The following FAM163A variants were observed in gnomAD, a reference collection of about 807,000 sequenced individuals.
FAM163A encodes protein FAM163A.
FAM163A carries 7 observed loss-of-function variants against 12.0 expected under a neutral mutation model. The ratio of observed to expected loss-of-function variants is 0.58; its 90% confidence interval spans 0.33 to 1.10. The LOEUF is 1.10. FAM163A is among the 50% of genes least tolerant of loss of function. FAM163A has a pLI of 0.03. For missense variants in FAM163A, 202 were observed against 218.6 expected, an observed-to-expected ratio of 0.92 and a Z score of 0.48; for synonymous variants, 101 against 91.0, an observed-to-expected ratio of 1.11 and a Z score of -0.62.
intron 1 of FAM163A, among the ~76,000 whole-genome samples, chr1:179,754,122 AC>A (rs756804727): frequency 6.6e-6 from 1 of 152,208 alleles, no homozygotes; most frequent in Admixed American, 6.5e-5. Context: ...TCTCTGAAGC[AC>A]CAGTCTCTTT....
intron 2 of FAM163A, among the ~76,000 whole-genome samples, chr1:179,810,247 C>T (rs549896607): frequency 3.7e-4 from 57 of 152,272 alleles, no homozygotes; most frequent in Admixed American, 1.5e-3. Context: ...CCATGAAGGG[C>T]ATTGCAATAG....
At chr1:179,791,341 G>A (rs1002119950) in intron 1 of FAM163A, among the ~76,000 whole-genome samples, 8 of 152,238 alleles carry the variant, frequency 5.3e-5, no homozygotes, top group East Asian at 3.9e-4. Context: ...ATATCCTTGC[G>A]CTGTCCAAAC....
intron 1 of FAM163A, among the ~76,000 whole-genome samples, chr1:179,758,976 AT>A (rs1242054318): frequency 6.6e-6 from 1 of 152,164 alleles, no homozygotes; most frequent in African/African-American, 2.4e-5. Context: ...CCATGCATCG[AT>A]TTTTCCATTC....
At chr1:179,788,131 G>A (rs1235287467) in intron 1 of FAM163A, among the ~76,000 whole-genome samples, 1 of 152,178 alleles carries the variant, frequency 6.6e-6, no homozygotes, top group Non-Finnish European at 1.5e-5. Context: ...TTCTCACAAT[G>A]TGTAATCAGT....
chr1:179,758,262 T>C (rs1439182344), intron 1 of FAM163A, among the ~76,000 whole-genome samples: 1 of 152,232 alleles, frequency 6.6e-6, no homozygotes, highest in African/African-American at 2.4e-5. Flanking sequence ...TCATATAGAC[T>C]TATCAATGTT....
chr1:179,733,777 G>A, the FAM163A span, among the ~76,000 whole-genome samples: 3 of 152,162 alleles, frequency 2.0e-5, no homozygotes, highest in Non-Finnish European at 4.4e-5. Flanking sequence ...TCACCAGAAT[G>A]CATGCTGTTA....
At chr1:179,747,092 A>C (rs1312208571) in intron 1 of FAM163A, among the ~76,000 whole-genome samples, 1 of 152,134 alleles carries the variant, frequency 6.6e-6, no homozygotes, top group African/African-American at 2.4e-5. Flanking sequence ...GACATCAGAA[A>C]GGGCAAAAGA....
chr1:179,768,883 C>T (rs146509395), intron 1 of FAM163A, among the ~76,000 whole-genome samples: 2 of 152,004 alleles, frequency 1.3e-5, no homozygotes, highest in African/African-American at 2.4e-5. Context: ...GGATTACAGG[C>T]GTGAGCCACT....
At chr1:179,753,542 GA>G (rs1685576842) in intron 1 of FAM163A, among the ~76,000 whole-genome samples, 1 of 152,162 alleles carries the variant, frequency 6.6e-6, no homozygotes, top group Non-Finnish European at 1.5e-5. Flanking sequence ...AGTTTCCTGA[GA>G]AAATGGGTGG....
rs571654951 is a variant in FAM163A at position 179,755,303 on chromosome 1, T to C, written c.-136+11880T>C. 2.6e-5 allele frequency among the ~76,000 whole-genome samples: 4 copies of C among 152,120 alleles called. No individual in the cohort carries two copies. In the East Asian group the frequency reaches 7.7e-4, roughly 29 times the overall value. ...ATGATTGGTCAGGAGACTGTGAGGG[T>C]GGTCCAGGTGAGGGTTGACCAGAAA... On this transcript the variant is annotated intron_variant, in intron 1 of 4. Transcript: ENST00000341785.
intron 1 of FAM163A, among the ~76,000 whole-genome samples, chr1:179,773,610 G>A (rs1037723655): frequency 1.2e-4 from 18 of 152,202 alleles, no homozygotes; most frequent in Admixed American, 1.1e-3. Flanking sequence ...TGTCTCTGCT[G>A]TAAACCTAAC....
chr1:179,797,722 TAAAA>T (rs1557960629), intron 1 of FAM163A, among the ~76,000 whole-genome samples: 1 of 152,132 alleles, frequency 6.6e-6, no homozygotes, highest in Non-Finnish European at 1.5e-5. Context: ...ATCTGTGAAT[TAAAA>T]AAATCTAAGC....
intron 1 of FAM163A, among the ~76,000 whole-genome samples, chr1:179,765,105 T>C (rs1687310978): frequency 6.6e-6 from 1 of 152,204 alleles, no homozygotes; most frequent in African/African-American, 2.4e-5. Flanking sequence ...CCCTTCCTCG[T>C]CCACCTCTTC....
intron 1 of FAM163A, among the ~76,000 whole-genome samples, chr1:179,798,509 T>C (rs1431087298): frequency 6.6e-6 from 1 of 152,232 alleles, no homozygotes; most frequent in Non-Finnish European, 1.5e-5. Flanking sequence ...TTTCACCTTA[T>C]CACCTGCCCC....
intron 1 of FAM163A, among the ~76,000 whole-genome samples, chr1:179,765,378 T>C (rs1170009475): frequency 6.6e-6 from 1 of 152,218 alleles, no homozygotes; most frequent in Non-Finnish European, 1.5e-5. Flanking sequence ...CCAAAGATAC[T>C]GCCGGTTTGG....
intron 1 of FAM163A, among the ~76,000 whole-genome samples, chr1:179,755,020 C>G (rs1361825685): frequency 1.3e-5 from 2 of 151,878 alleles, no homozygotes; most frequent in South Asian, 4.2e-4. Flanking sequence ...ACCTGTAATC[C>G]CAGCTGCTTG....
At chr1:179,778,786 G>A (rs1396753925) in intron 1 of FAM163A, among the ~76,000 whole-genome samples, 1 of 152,208 alleles carries the variant, frequency 6.6e-6, no homozygotes, top group Non-Finnish European at 1.5e-5. Flanking sequence ...TGGGGGAAGA[G>A]TATAAGGAAA....
At chr1:179,778,712 C>T (rs1689317370) in intron 1 of FAM163A, among the ~76,000 whole-genome samples, 1 of 152,044 alleles carries the variant, frequency 6.6e-6, no homozygotes, top group Admixed American at 6.5e-5. Context: ...GCTAGACACT[C>T]AGGCTGCAAA....
chr1:179,805,391 G>A (rs996219596), intron 1 of FAM163A, among the ~76,000 whole-genome samples: 4 of 151,966 alleles, frequency 2.6e-5, no homozygotes, highest in African/African-American at 4.8e-5. Flanking sequence ...GGTGGCGGGC[G>A]CCTATAATCT....
Sources: allele counts gnomAD v4.1 joint callset (sites outside exome capture counted in the v4.1 genomes callset), GRCh38; gene constraint gnomAD v4.1.1; transcripts MANE v1.5; gene names NCBI Gene and HGNC (gene_info 2026-07-23, HGNC 2026-07-21).